The following SHANK2 variants were observed in gnomAD, a reference collection of about 807,000 sequenced individuals.
SHANK2 encodes SH3 and multiple ankyrin repeat domains 2.
In SHANK2, 43 loss-of-function variants were observed where a neutral mutation model predicts 133.7. The ratio of observed to expected loss-of-function variants is 0.32; its 90% CI spans 0.25 to 0.41. The LOEUF is 0.41. SHANK2 is among the 10% of genes least tolerant of loss of function. The probability of loss-of-function intolerance (pLI) is 1.00; values close to 1 mark genes in which losing one functional copy is unlikely to be tolerated. For missense variants in SHANK2, 1,994 were observed against 2,235.8 expected (o/e 0.89, Z 2.18); for synonymous variants, 1,017 against 952.8 (o/e 1.07, Z -1.24).
rs370078352 is a variant in SHANK2, at chr11:71,185,060, G to A, written c.-12-37722C>T. ...CCATTGCTCCTGCCTCCTCTCAGCCGATCAACCATCTCAAAATGTGGTGCT... is the reference window on the plus strand; with the variant it reads ...CCATTGCTCCTGCCTCCTCTCAGCCAATCAACCATCTCAAAATGTGGTGCT... On this transcript the variant is annotated intron_variant, in intron 2 of 25. Transcript: ENST00000601538. Among the ~76,000 whole-genome samples the A allele has an allele frequency of 6.1e-4, 93 of 152,280 alleles. 2 individuals are homozygous for A. Among genetic ancestry groups the A allele is most frequent in the South Asian group, 4.8e-3 (23 of 4,828 alleles).
At chr11:70,554,998 C>T (rs2059812642) in intron 17 of SHANK2, among the ~76,000 whole-genome samples, 1 of 151,386 alleles carries the variant, frequency 6.6e-6, no homozygotes, top group Non-Finnish European at 1.5e-5. Flanking sequence ...CACTTTGCAT[C>T]TCTGTGTCAC....
chr11:71,071,258 C>T (rs1289141315), intron 9 of SHANK2, among the ~76,000 whole-genome samples: 1 of 152,240 alleles, frequency 6.6e-6, no homozygotes, highest in Non-Finnish European at 1.5e-5. Flanking sequence ...TGTATCTCCA[C>T]ACTCACACAG....
chr11:70,832,262 A>T (rs1555058762), intron 11 of SHANK2, among the ~76,000 whole-genome samples: 2 of 152,232 alleles, frequency 1.3e-5, no homozygotes, highest in African/African-American at 4.8e-5. Flanking sequence ...AGTTTTAAAA[A>T]ATCTGTAAGT....
At chr11:70,477,765 G>A (rs548548489) in intron 25 of SHANK2, among the ~76,000 whole-genome samples, 8 of 152,286 alleles carry the variant, frequency 5.3e-5, no homozygotes, top group South Asian at 2.1e-4. Flanking sequence ...GAAAGTAACC[G>A]CCTGTGAGTG....
chr11:71,091,565 C>T (rs1467804691), intron 8 of SHANK2, among the ~76,000 whole-genome samples: 1 of 152,144 alleles, frequency 6.6e-6, no homozygotes, highest in Non-Finnish European at 1.5e-5. Context: ...CTCTTGACCT[C>T]CTAGGTAGAC....
In SHANK2 at chr11:70,661,655, G is replaced by A. The variant is rs2061492906; in HGVS notation, c.1877C>T (p.Thr626Met). The change falls in exon 16 of 26, where the codon ACG becomes ATG. Residue 626 changes from threonine to methionine, a missense_variant. Thr to Met is a moderately conservative substitution (Grantham distance 81). Transcript: ENST00000601538. The part of the protein sequence containing the change: ...TSSDCIIEEK[T>M]VVLQKKDNEG... ...ATTGTCTTTTTTCTGCAGGACCACC[G>A]TCTTCTCCTCAATAATGCAGTCACT... 3 of 1,613,962 alleles carry A rather than the reference G, an allele frequency of 1.9e-6. No homozygotes were observed. Among genetic ancestry groups the A allele is most frequent in the Non-Finnish European group, 2.5e-6 (3 of 1,180,026 alleles).
chr11:70,552,127 TGGA>T (rs1405058422), intron 17 of SHANK2, among the ~76,000 whole-genome samples: 1 of 152,198 alleles, frequency 6.6e-6, no homozygotes, highest in Non-Finnish European at 1.5e-5. Flanking sequence ...GAGGGCTGCA[TGGA>T]GGAGGAGGCT....
At chr11:70,821,924 C>T (rs1948533190) in intron 11 of SHANK2, among the ~76,000 whole-genome samples, 1 of 152,182 alleles carries the variant, frequency 6.6e-6, no homozygotes, top group African/African-American at 2.4e-5. Context: ...CTAGACAGGG[C>T]CAGGCCCTCA....
intron 14 of SHANK2, among the ~76,000 whole-genome samples, chr11:70,746,592 G>C (rs1946643933): frequency 6.6e-6 from 1 of 152,108 alleles, no homozygotes. Context: ...TCCAGGGTGG[G>C]GGATGCAGGG....
chr11:70,911,395 C>T (rs1429849765), intron 10 of SHANK2, among the ~76,000 whole-genome samples: 1 of 151,904 alleles, frequency 6.6e-6, no homozygotes, highest in African/African-American at 2.4e-5. Context: ...AAACAAAAAA[C>T]AAAACCTGCC....
intron 8 of SHANK2, among the ~76,000 whole-genome samples, chr11:71,091,208 C>T (rs573229185): frequency 2.6e-5 from 4 of 152,290 alleles, no homozygotes; most frequent in East Asian, 1.9e-4. Flanking sequence ...TCCCTGCCTG[C>T]GGGCTCCAGC....
At chr11:70,745,422 G>A (rs1219261868) in intron 14 of SHANK2, among the ~76,000 whole-genome samples, 6 of 152,154 alleles carry the variant, frequency 3.9e-5, no homozygotes, top group Non-Finnish European at 5.9e-5. Context: ...TCTCAGCCCT[G>A]GGGCTCACAG....
intron 10 of SHANK2, among the ~76,000 whole-genome samples, chr11:70,938,283 A>T (rs1273638637): frequency 2.0e-5 from 3 of 152,108 alleles, no homozygotes; most frequent in Non-Finnish European, 4.4e-5. Context: ...AACCCCTTTG[A>T]GCCTAGAGGA....
At chr11:70,591,019 A>G (rs2060313861) in intron 17 of SHANK2, among the ~76,000 whole-genome samples, 1 of 152,264 alleles carries the variant, frequency 6.6e-6, no homozygotes, top group African/African-American at 2.4e-5. Context: ...AAATGGAGGG[A>G]AAGGGAAGGT....
chr11:70,764,407 G>A (rs542080593), intron 14 of SHANK2, among the ~76,000 whole-genome samples: 5 of 77,262 alleles, frequency 6.5e-5, no homozygotes, highest in African/African-American at 2.1e-4. Flanking sequence ...ATCCATCCAC[G>A]CACCCATCCA....
chr11:70,639,752 G>A (rs1479809707), intron 17 of SHANK2, among the ~76,000 whole-genome samples: 1 of 152,150 alleles, frequency 6.6e-6, no homozygotes, highest in Non-Finnish European at 1.5e-5. Flanking sequence ...GGGACATGAA[G>A]GTGCCCTGCA....
At chr11:70,784,375 T>TTTTTTTA (rs1947599358) in intron 14 of SHANK2, among the ~76,000 whole-genome samples, 1 of 143,112 alleles carries the variant, frequency 7.0e-6, no homozygotes, top group Non-Finnish European at 1.5e-5. Context: ...TTTTTTTTTT[T>TTTTTTTA]AAGTAGCGAC....
At chr11:70,881,173 G>A (rs1173918371) in intron 11 of SHANK2, among the ~76,000 whole-genome samples, 1 of 152,112 alleles carries the variant, frequency 6.6e-6, no homozygotes, top group African/African-American at 2.4e-5. Context: ...GAGTGGTTGG[G>A]ATTACAGGCC....
intron 17 of SHANK2, among the ~76,000 whole-genome samples, chr11:70,507,542 C>T (rs2059151284): frequency 6.6e-6 from 1 of 152,122 alleles, no homozygotes; most frequent in Non-Finnish European, 1.5e-5. Flanking sequence ...AACAGCCTTT[C>T]TGAGCATGAG....
Sources: allele counts gnomAD v4.1 joint callset (sites outside exome capture counted in the v4.1 genomes callset), GRCh38; gene constraint gnomAD v4.1.1; transcripts MANE v1.5; gene names NCBI Gene and HGNC (gene_info 2026-07-23, HGNC 2026-07-21).